The following FAM227B variants were observed in gnomAD, a reference collection of about 807,000 sequenced individuals.
The protein encoded by FAM227B is protein FAM227B.
FAM227B carries 88 observed loss-of-function variants against 73.8 expected under a neutral mutation model. That is an observed-to-expected ratio of 1.19 (90% confidence interval 1.00 to 1.42). The LOEUF is 1.42. Among genes scored for constraint, FAM227B ranks in the 40% most tolerant of loss-of-function variants. FAM227B has a pLI of 0.00. For synonymous variants in FAM227B, 210 were observed against 190.5 expected, an observed-to-expected ratio of 1.10 and a Z score of -0.84; for missense variants, 632 against 590.9, an observed-to-expected ratio of 1.07 and a Z score of -0.72.
At chr15:49,504,498 C>T (rs1385164788) in intron 11 of FAM227B, among the ~76,000 whole-genome samples, 1 of 152,110 alleles carries the variant, frequency 6.6e-6, no homozygotes, top group Non-Finnish European at 1.5e-5. Flanking sequence ...TAGCACCACT[C>T]GCGTTCCCTG....
Position 49,477,263 on chromosome 15 carries a change from A to T in FAM227B, c.1012+30948T>A, listed in dbSNP as rs1450977560. ...CTATGAGTTCTGACAAATGTATATC[A>T]TGTATCCACTATTACAGTATTACGC... On this transcript the variant is annotated intron_variant, in intron 11 of 15. Coordinates refer to ENST00000299338, the MANE Select transcript of FAM227B (RefSeq NM_152647.3). Among the ~76,000 whole-genome samples, 5 of 152,168 alleles carry T rather than the reference A, an allele frequency of 3.3e-5. No homozygotes were observed. The East Asian group carries it at 9.6e-4, about 29-fold the overall frequency.
In FAM227B at chr15:49,490,394, T is replaced by C. The variant is rs917469301; in HGVS notation, c.1012+17817A>G. Among the ~76,000 whole-genome samples, 8 of 152,032 alleles carry C rather than the reference T, an allele frequency of 5.3e-5. No individual in the cohort carries two copies. In the East Asian group the frequency reaches 1.5e-3, roughly 29 times the overall value. ...AAAATATATTTCAGATCATGCATCC[T>C]CTGTTTAAAATTGCAATTGTTTTCC... On this transcript the variant is annotated intron_variant, in intron 11 of 15. Coordinates refer to ENST00000299338, the MANE Select transcript of FAM227B (RefSeq NM_152647.3).
chr15:49,525,528 A>G (rs73402180), intron 10 of FAM227B, among the ~76,000 whole-genome samples: 4,320 of 151,774 alleles, frequency 0.028, 219 homozygotes, highest in African/African-American at 0.1. Flanking sequence ...TATGCTGCAA[A>G]ATCGAGCTTC....
intron 11 of FAM227B, among the ~76,000 whole-genome samples, chr15:49,438,635 C>G (rs2051328559): frequency 6.6e-6 from 1 of 151,692 alleles, no homozygotes; most frequent in East Asian, 1.9e-4. Flanking sequence ...GGAAATAATA[C>G]TGTATCATAT....
intron 10 of FAM227B, among the ~76,000 whole-genome samples, chr15:49,519,895 T>C (rs1013437284): frequency 1.3e-5 from 2 of 152,220 alleles, no homozygotes; most frequent in African/African-American, 4.8e-5. Flanking sequence ...ATTATTGGGC[T>C]GCAAATTTTC....
At chr15:49,341,926 T>A (rs370256919) in intron 13 of FAM227B, among the ~76,000 whole-genome samples, 2 of 152,338 alleles carry the variant, frequency 1.3e-5, no homozygotes. Context: ...TTTTTTGAAT[T>A]TATCAAAACT....
intron 3 of FAM227B, among the ~76,000 whole-genome samples, chr15:49,598,450 G>C (rs1462272270): frequency 4.0e-5 from 6 of 151,842 alleles, no homozygotes; most frequent in Admixed American, 1.3e-4. Context: ...TTGTTTCTTT[G>C]TTTTCTAACT....
Position 49,328,774 on chromosome 15 carries a change from A to AT in FAM227B, c.1420-100dup, listed in dbSNP as rs3075141. On this transcript the variant is annotated intron_variant, in intron 15 of 15. Transcript: ENST00000299338. ...TTCTCCAGTTATCAAGAGACTAAGG[A>AT]TTTTTTTTTTTTTTTGACAAAAGGA... The AT allele has an allele frequency of 2.8e-3, 3,595 of 1,276,586 alleles. 2 individuals carry two copies. The highest frequency in any genetic ancestry group is 6.2e-3 in the South Asian group (301 of 48,238). 79.1% of individuals were successfully genotyped at this position (1,276,586 alleles called of 1,614,324 possible). A position where few individuals can be genotyped will look rare whatever the true frequency, so the allele number is the denominator to read the frequency against.
intron 11 of FAM227B, chr15:49,423,114 A>T: frequency 5.6e-6 from 1 of 179,816 alleles, no homozygotes; most frequent in Non-Finnish European, 1.2e-5. Flanking sequence ...TCTCATGACC[A>T]TTGAATACTA....
intron 9 of FAM227B, among the ~76,000 whole-genome samples, chr15:49,556,923 G>C (rs1370032568): frequency 6.6e-6 from 1 of 152,174 alleles, no homozygotes; most frequent in Non-Finnish European, 1.5e-5. Context: ...GGGGTCATGG[G>C]TCCTTTGATG....
At chr15:49,470,548 C>T (rs1345220047) in intron 11 of FAM227B, among the ~76,000 whole-genome samples, 1 of 152,162 alleles carries the variant, frequency 6.6e-6, no homozygotes, top group African/African-American at 2.4e-5. Context: ...GTAAAAATAG[C>T]ATCCCCTTAA....
At chr15:49,372,126 G>A in intron 11 of FAM227B, among the ~76,000 whole-genome samples, 1 of 93,576 alleles carries the variant, frequency 1.1e-5, no homozygotes, top group African/African-American at 4.2e-5. Flanking sequence ...ATAAATAAAT[G>A]AAATAAAATT....
intron 13 of FAM227B, among the ~76,000 whole-genome samples, chr15:49,346,570 C>A (rs2041536908): frequency 6.6e-6 from 1 of 152,130 alleles, no homozygotes; most frequent in African/African-American, 2.4e-5. Context: ...GTGATTGATT[C>A]ACTGTGCATG....
At chr15:49,428,486 G>A (rs2050315527) in intron 11 of FAM227B, among the ~76,000 whole-genome samples, 1 of 152,084 alleles carries the variant, frequency 6.6e-6, no homozygotes. Flanking sequence ...CAAGATCAGA[G>A]GGTGAATTTA....
At chr15:49,466,684 G>A (rs1189155787) in intron 11 of FAM227B, among the ~76,000 whole-genome samples, 1 of 152,136 alleles carries the variant, frequency 6.6e-6, no homozygotes, top group Non-Finnish European at 1.5e-5. Flanking sequence ...TGAAGGCCTG[G>A]ACTAATGTGA....
intron 11 of FAM227B, among the ~76,000 whole-genome samples, chr15:49,479,502 AACTT>A (rs1190972670): frequency 6.6e-6 from 1 of 151,988 alleles, no homozygotes; most frequent in Non-Finnish European, 1.5e-5. Context: ...ATTGGTAACT[AACTT>A]AATATCTGCA....
At chr15:49,599,789 T>A (rs1287844113) in intron 3 of FAM227B, among the ~76,000 whole-genome samples, 1 of 152,152 alleles carries the variant, frequency 6.6e-6, no homozygotes, top group African/African-American at 2.4e-5. Flanking sequence ...AAGACTTCAA[T>A]CTTATAAAAT....
chr15:49,376,814 C>T (rs1037677831), intron 11 of FAM227B, among the ~76,000 whole-genome samples: 3 of 151,850 alleles, frequency 2.0e-5, no homozygotes, highest in Admixed American at 2.0e-4. Context: ...GTGGATAAGC[C>T]TTATCTTATC....
intron 11 of FAM227B, among the ~76,000 whole-genome samples, chr15:49,503,595 C>T (rs1481018700): frequency 6.6e-6 from 1 of 151,950 alleles, no homozygotes; most frequent in South Asian, 2.1e-4. Flanking sequence ...AACAAACAAC[C>T]CCATCAAAAA....
Sources: gnomAD v4.1 joint callset for allele counts (sites outside exome capture counted in the v4.1 genomes callset) on GRCh38, gnomAD v4.1.1 for gene constraint, MANE v1.5 for transcripts, NCBI Gene and HGNC (gene_info 2026-07-23, HGNC 2026-07-21) for gene names.